PGCKA1: variants seen among roughly 807,000 people sequenced by gnomAD.
The protein encoded by PGCKA1 is PDCD10 and GCKIII kinases associated 1.
chr4:37,551,287 C>A, the PGCKA1 span, among the ~76,000 whole-genome samples: 2 of 152,020 alleles, frequency 1.3e-5, no homozygotes, highest in African/African-American at 4.8e-5. Flanking sequence ...ATGCTTCCCA[C>A]AAAAAACGAA....
At chr4:37,565,314 A>T in the PGCKA1 span, among the ~76,000 whole-genome samples, 4 of 152,238 alleles carry the variant, frequency 2.6e-5, no homozygotes, top group East Asian at 3.9e-4. Flanking sequence ...GCATGGGGCC[A>T]TATTTATTTT....
chr4:37,498,024 A>G, the PGCKA1 span, among the ~76,000 whole-genome samples: 1 of 151,990 alleles, frequency 6.6e-6, no homozygotes, highest in South Asian at 2.1e-4. Context: ...ATGTTCTAGA[A>G]TTTTTATAGT....
At chr4:37,589,948 T>A in the PGCKA1 span, 1 of 748,510 alleles carries the variant, frequency 1.3e-6, no homozygotes, top group Non-Finnish European at 2.3e-6. Flanking sequence ...ACTATATCTA[T>A]TTGATTTAGA....
chr4:37,591,210 T>A, the PGCKA1 span: 1 of 480,870 alleles, frequency 2.1e-6, no homozygotes, highest in South Asian at 3.8e-5. Flanking sequence ...GAGCTGTCAT[T>A]CAGGACACTA....
chr4:37,566,813 C>T, the PGCKA1 span, among the ~76,000 whole-genome samples: 141 of 152,310 alleles, frequency 9.3e-4, no homozygotes, highest in Middle Eastern at 0.01. Context: ...AACTCCTGAC[C>T]TCAAGTGATC....
At chr4:37,490,989 T>A in the PGCKA1 span, among the ~76,000 whole-genome samples, 1 of 152,226 alleles carries the variant, frequency 6.6e-6, no homozygotes, top group African/African-American at 2.4e-5. Flanking sequence ...ATAAAGTCTT[T>A]ACTTTTTAGC....
the PGCKA1 span, among the ~76,000 whole-genome samples, chr4:37,543,425 C>A: frequency 1.5e-4 from 23 of 152,256 alleles, no homozygotes; most frequent in African/African-American, 5.1e-4. Context: ...TAGCAAAGGG[C>A]TTGTTTCTCA....
chr4:37,484,873 T>C, the PGCKA1 span, among the ~76,000 whole-genome samples: 3 of 152,308 alleles, frequency 2.0e-5, no homozygotes, highest in Admixed American at 2.0e-4. Flanking sequence ...CTGTGAGGAA[T>C]AAATTTGTCT....
chr4:37,488,543 A>G, the PGCKA1 span, among the ~76,000 whole-genome samples: 1 of 152,212 alleles, frequency 6.6e-6, no homozygotes, highest in Non-Finnish European at 1.5e-5. Flanking sequence ...AGAAGTAGCC[A>G]GAGTATAACC....
the PGCKA1 span, among the ~76,000 whole-genome samples, chr4:37,536,504 C>A: frequency 3.9e-5 from 6 of 152,218 alleles, no homozygotes; most frequent in South Asian, 1.2e-3. Flanking sequence ...TGGACTGGGG[C>A]ATGGAGAATC....
At chr4:37,502,291 C>T in the PGCKA1 span, among the ~76,000 whole-genome samples, 1 of 152,210 alleles carries the variant, frequency 6.6e-6, no homozygotes, top group Non-Finnish European at 1.5e-5. Context: ...GGGCCTGCCT[C>T]CATGCAAGTG....
the PGCKA1 span, among the ~76,000 whole-genome samples, chr4:37,529,768 T>C: frequency 6.6e-6 from 1 of 152,154 alleles, no homozygotes; most frequent in Non-Finnish European, 1.5e-5. Flanking sequence ...TTCCCCAACC[T>C]TGAGTTGATT....
the PGCKA1 span, among the ~76,000 whole-genome samples, chr4:37,582,817 T>C: frequency 6.6e-6 from 1 of 150,628 alleles, no homozygotes; most frequent in East Asian, 1.9e-4. Context: ...TCCTTAATCA[T>C]ATGGGGGGGA....
At chr4:37,550,662 G>T in the PGCKA1 span, among the ~76,000 whole-genome samples, 1 of 152,298 alleles carries the variant, frequency 6.6e-6, no homozygotes, top group South Asian at 2.1e-4. Context: ...TCCAGAACCC[G>T]TATTTCAGAC....
the PGCKA1 span, among the ~76,000 whole-genome samples, chr4:37,463,391 C>T: frequency 6.6e-6 from 1 of 152,180 alleles, no homozygotes; most frequent in Non-Finnish European, 1.5e-5. Flanking sequence ...ATTGCAGTTA[C>T]AATTTATCTG....
chr4:37,463,131 C>A, the PGCKA1 span, among the ~76,000 whole-genome samples: 5 of 152,040 alleles, frequency 3.3e-5, no homozygotes, highest in African/African-American at 1.2e-4. Context: ...GGGCTGGGAC[C>A]CATGTCTATA....
the PGCKA1 span, among the ~76,000 whole-genome samples, chr4:37,554,557 A>G: frequency 2.0e-5 from 3 of 152,168 alleles, no homozygotes; most frequent in Admixed American, 2.0e-4. Context: ...CATGTTGGTC[A>G]GGCTAGTCTC....
chr4:37,531,294 C>T, the PGCKA1 span, among the ~76,000 whole-genome samples: 1 of 152,258 alleles, frequency 6.6e-6, no homozygotes, highest in South Asian at 2.1e-4. Context: ...TTTTTTCCCA[C>T]ATGCTTATGA....
chr4:37,453,445 A>T, the PGCKA1 span, among the ~76,000 whole-genome samples: 1 of 152,004 alleles, frequency 6.6e-6, no homozygotes, highest in Non-Finnish European at 1.5e-5. Flanking sequence ...TTCTAGGTCC[A>T]TGTAGCTCAT....
Sources: gnomAD v4.1 joint callset for allele counts (sites outside exome capture counted in the v4.1 genomes callset) on GRCh38, gnomAD v4.1.1 for gene constraint, MANE v1.5 for transcripts, NCBI Gene and HGNC (gene_info 2026-07-23, HGNC 2026-07-21) for gene names.